Variants in ZC3H3 observed in about 807,000 individuals in gnomAD.
ZC3H3 encodes zinc finger CCCH-type containing 3.
Under a neutral mutation model 77.3 loss-of-function variants are expected in ZC3H3, and 36 were observed. That is an observed-to-expected ratio of 0.47 (90% CI 0.36 to 0.61). ZC3H3 has a LOEUF of 0.61. Among genes scored for constraint, ZC3H3 ranks in the 20% least tolerant of loss-of-function variants. ZC3H3 has a pLI of 0.00. For synonymous variants in ZC3H3, 626 were observed against 555.2 expected, an observed-to-expected ratio of 1.13 and a Z score of -1.79; for missense variants, 1,331 against 1,312.2, an observed-to-expected ratio of 1.01 and a Z score of -0.22.
At chr8:143,522,927 T>C (rs186134367) in intron 3 of ZC3H3, among the ~76,000 whole-genome samples, 1 of 151,066 alleles carries the variant, frequency 6.6e-6, no homozygotes, top group Non-Finnish European at 1.5e-5. Context: ...CTCAAAAAAA[T>C]ATATATATAT....
At chr8:143,511,026 G>A (rs888250714) in intron 3 of ZC3H3, among the ~76,000 whole-genome samples, 3 of 152,224 alleles carry the variant, frequency 2.0e-5, no homozygotes, top group East Asian at 1.9e-4. Flanking sequence ...TACCGCAATG[G>A]AAGACAAACT....
rs1306150120 is a variant in ZC3H3 at position 143,494,143 on chromosome 8, G to C, written c.1715+13603C>G. Among the ~76,000 whole-genome samples, 1 of 152,192 alleles carries C rather than the reference G, an allele frequency of 6.6e-6. No individual in the cohort carries two copies. The highest frequency in any genetic ancestry group is 2.4e-5 in the African/African-American group (1 of 41,448). The stretch of plus-strand genomic sequence containing the variant: ...TCCCCACAGGCCTCCCCAGGGCCAG[G>C]ATGGGCCCCAAGACCCCACAGGCTG... On this transcript the variant is annotated intron_variant, in intron 4 of 11. Transcript: ENST00000262577. This position sits in a 1 kb window ranked among gnomAD's most constrained non-coding sequence, Gnocchi z 5.3.
rs1311745594 is a variant in ZC3H3 at position 143,468,445 on chromosome 8, C to T, written c.2042G>A (p.Arg681Lys). ...GGGGCAGCGCTCGCCACGGTTGCAC[C>T]TGCCGAAGCGGTTGTAGTACATGCA... ...EYCMYYNRFG[R>K]CNRGERCPYI... Residue 681 changes from arginine (R) to lysine (K), a missense_variant, in exon 7 of 12, where the codon AGG (arginine) becomes AAG (lysine). Arg to Lys is a conservative substitution (Grantham distance 26). Around this residue, in one of 3 missense-constraint regions of ZC3H3, gnomAD observed 104 missense variants for 159.7 expected, o/e 0.65. Coordinates refer to ENST00000262577, the MANE Select transcript of ZC3H3 (RefSeq NM_015117.3). 1.2e-6 allele frequency: 2 copies of T among 1,610,630 alleles called. No homozygotes were observed. Among genetic ancestry groups the T allele is most frequent in the African/African-American group, 1.3e-5 (1 of 74,864 alleles).
At chr8:143,491,249 G>C (rs1008825562) in intron 4 of ZC3H3, among the ~76,000 whole-genome samples, 12 of 152,176 alleles carry the variant, frequency 7.9e-5, no homozygotes, top group Admixed American at 7.2e-4. Context: ...CCTCCCCGAA[G>C]GTCCTTGTGC....
At chr8:143,453,353 T>A (rs1389413754) in intron 9 of ZC3H3, among the ~76,000 whole-genome samples, 2 of 152,106 alleles carry the variant, frequency 1.3e-5, no homozygotes, top group East Asian at 3.9e-4. Flanking sequence ...TCTCCCAAAA[T>A]GTTGAGATTA....
chr8:143,521,656 C>T (rs577603348), intron 3 of ZC3H3, among the ~76,000 whole-genome samples: 227 of 152,320 alleles, frequency 1.5e-3, no homozygotes, highest in Non-Finnish European at 2.4e-3. Flanking sequence ...GCAGCCTCCC[C>T]GCACCGCCTT....
rs566898078 is a variant in ZC3H3 at position 143,530,580 on chromosome 8, C to T, written c.1561+5677G>A. Among the ~76,000 whole-genome samples, 1 of 152,164 alleles carries T rather than the reference C, an allele frequency of 6.6e-6. No homozygotes were observed. The highest frequency in any genetic ancestry group is 2.1e-4 in the South Asian group (1 of 4,814). ...CCTGGCCTGGAGTGTACAGCCTGGA[C>T]AGCATCCCTCTGCACAGGCCGGCCA... On this transcript the variant is annotated intron_variant, in intron 3 of 11. Coordinates refer to ENST00000262577, the MANE Select transcript of ZC3H3 (RefSeq NM_015117.3). The surrounding 1 kb of genome is among the most constrained non-coding windows in gnomAD (Gnocchi z 4.3).
chr8:143,512,993 G>A (rs963128872), intron 3 of ZC3H3, among the ~76,000 whole-genome samples: 8 of 152,052 alleles, frequency 5.3e-5, no homozygotes, highest in Admixed American at 3.9e-4. Context: ...TAGGCCCAGC[G>A]CCAGAGGAGT....
At chr8:143,527,085 A>G (rs1822438353) in intron 3 of ZC3H3, among the ~76,000 whole-genome samples, 1 of 152,186 alleles carries the variant, frequency 6.6e-6, no homozygotes, top group African/African-American at 2.4e-5. Context: ...CCGCCACCCG[A>G]GCACTTGGCA....
In ZC3H3 at chr8:143,437,919, G is replaced by T; in HGVS notation, c.*137C>A. On this transcript the variant is annotated 3_prime_UTR_variant, in exon 12 of 12. Transcript: ENST00000262577. ...GTCATGGAAGGTTGAGGGCCAGGCA[G>T]GCAGAGCAGTGTCCCTGTGGCCCCC... 8.1e-7 allele frequency: 1 copy of T among 1,235,668 alleles called. No individual in the cohort carries two copies. Among genetic ancestry groups the T allele is most frequent in the Non-Finnish European group, 1.2e-6 (1 of 867,094 alleles). The allele number at this position is 1,235,668 out of a possible 1,614,324, so 76.5% of individuals were successfully genotyped here. A position where few individuals can be genotyped will look rare whatever the true frequency, so the allele number is the denominator to read the frequency against.
chr8:143,524,327 C>G (rs1822342770), intron 3 of ZC3H3, among the ~76,000 whole-genome samples: 1 of 152,232 alleles, frequency 6.6e-6, no homozygotes, highest in Non-Finnish European at 1.5e-5. Context: ...GGGGAGAGCT[C>G]CCTGGGAGTC....
At chr8:143,441,542 G>A (rs989725756) in intron 9 of ZC3H3, among the ~76,000 whole-genome samples, 2 of 152,168 alleles carry the variant, frequency 1.3e-5, no homozygotes, top group East Asian at 3.8e-4. Flanking sequence ...GGCCGGGAGA[G>A]GGTGGGGCAG....
At chr8:143,510,597 G>A (rs1821841582) in intron 3 of ZC3H3, among the ~76,000 whole-genome samples, 1 of 152,216 alleles carries the variant, frequency 6.6e-6, no homozygotes, top group African/African-American at 2.4e-5. Context: ...CCCTGGCCCT[G>A]TTCCCCAGGG....
At chr8:143,497,255 T>G (rs1821377905) in intron 4 of ZC3H3, among the ~76,000 whole-genome samples, 1 of 152,118 alleles carries the variant, frequency 6.6e-6, no homozygotes, top group African/African-American at 2.4e-5. Context: ...TCCCAGGGGT[T>G]CCCAGAACAG....
In ZC3H3 at chr8:143,437,957, G is replaced by C; in HGVS notation, c.*99C>G. 1 of 1,502,406 alleles carries C rather than the reference G, an allele frequency of 6.7e-7. No individual in the cohort carries two copies. 93.1% of individuals were successfully genotyped at this position (1,502,406 alleles called of 1,614,324 possible). A position where few individuals can be genotyped will look rare whatever the true frequency, so the allele number is the denominator to read the frequency against. ...CCCTGTGGCCCCCAGGTGAGGCTTG[G>C]TGGCGGGCGGCCCTCCTGTGGGGTA... On this transcript the variant is annotated 3_prime_UTR_variant, in exon 12 of 12. Transcript: ENST00000262577.
intron 4 of ZC3H3, among the ~76,000 whole-genome samples, chr8:143,483,150 G>T (rs1018971975): frequency 6.6e-6 from 1 of 152,252 alleles, no homozygotes; most frequent in Non-Finnish European, 1.5e-5. Flanking sequence ...CGGCCGGGGG[G>T]AGGCGGCGCC....
chr8:143,502,979 G>A (rs1420405085), intron 4 of ZC3H3, among the ~76,000 whole-genome samples: 1 of 152,228 alleles, frequency 6.6e-6, no homozygotes, highest in Non-Finnish European at 1.5e-5. Flanking sequence ...GCGTAAGGCA[G>A]CAGTACAGTA....
intron 4 of ZC3H3, among the ~76,000 whole-genome samples, chr8:143,498,302 G>A (rs1206096020): frequency 2.6e-5 from 4 of 152,190 alleles, no homozygotes; most frequent in Non-Finnish European, 4.4e-5. Flanking sequence ...CTGTCAGGCC[G>A]CGTTCTCCCA....
chr8:143,541,383 T>G lies in ZC3H3; in HGVS notation c.39A>C (p.Leu13=), dbSNP rs767515840. The change falls in exon 1 of 12, where the codon CTA becomes CTC. Residue 13 remains leucine (L), a synonymous_variant. Transcript: ENST00000262577. ...EKEILRRQIR[L]LQGLIDDYKT... ...GGCCCCGGCCGGACCTACCCTGCAG[T>G]AGGCGGATCTGCCGCCGTAATATCT... 4 of 1,611,422 alleles carry G rather than the reference T, an allele frequency of 2.5e-6. No homozygotes were observed. Among genetic ancestry groups the G allele is most frequent in the Non-Finnish European group, 3.4e-6 (4 of 1,179,358 alleles).
Sources: gnomAD v4.1 joint callset for allele counts (sites outside exome capture counted in the v4.1 genomes callset) on GRCh38, gnomAD v4.1.1 for gene constraint, gnomAD v4.1.1 regional missense constraint, Gnocchi (gnomAD v3.1) non-coding constraint, MANE v1.5 for transcripts, NCBI Gene and HGNC (gene_info 2026-07-23, HGNC 2026-07-21) for gene names.